Variants in HDX observed in about 807,000 individuals in gnomAD.
HDX encodes the protein chromosome X open reading frame 43.
A neutral mutation model predicts 45.2 loss-of-function variants in HDX; 19 were observed. The observed-to-expected ratio is 0.42, with a 90% CI of 0.29 to 0.62. The LOEUF (loss-of-function observed/expected upper bound fraction) is 0.62. Ranked by LOEUF, HDX falls within the 20% of genes least tolerant of loss-of-function variation. The probability of loss-of-function intolerance (pLI) is 0.20; values close to 1 mark genes in which losing one functional copy is unlikely to be tolerated. For synonymous variants in HDX, 188 were observed against 172.8 expected, an observed-to-expected ratio of 1.09 and a Z score of -0.69; for missense variants, 532 against 493.9, an observed-to-expected ratio of 1.08 and a Z score of -0.73.
chrX:84,370,202 G>A (rs1376444872), intron 5 of HDX, among the ~76,000 whole-genome samples: 5 of 111,559 alleles, frequency 4.5e-5, no homozygotes, highest in African/African-American at 6.5e-5. Context: ...CTGAAGCATC[G>A]GTTCTTCTTG....
chrX:84,367,492 C>A (rs1341495867), intron 5 of HDX, among the ~76,000 whole-genome samples: 1 of 112,067 alleles, frequency 8.9e-6, no homozygotes, highest in African/African-American at 3.2e-5. Context: ...CCAGCAATCC[C>A]ATTACTGGGT....
chrX:84,429,132 A>G (rs1017858476), intron 5 of HDX, among the ~76,000 whole-genome samples: 1 of 110,726 alleles, frequency 9.0e-6, no homozygotes, highest in African/African-American at 3.3e-5. Context: ...CCTGTCAATT[A>G]TATGTTTTTT....
At chrX:84,462,147 T>A (rs1396320560) in intron 4 of HDX, among the ~76,000 whole-genome samples, 2 of 111,426 alleles carry the variant, frequency 1.8e-5, no homozygotes, top group Non-Finnish European at 3.8e-5. Flanking sequence ...TACCATAAAA[T>A]CCATCAATAA....
intron 7 of HDX, among the ~76,000 whole-genome samples, chrX:84,340,037 T>C (rs993703492): frequency 9.0e-6 from 1 of 110,890 alleles, no homozygotes; most frequent in African/African-American, 3.3e-5. Context: ...TGTTTTTGTT[T>C]TTTATCTTTC....
At position 84,344,336 on chromosome X, in the gene HDX, G is replaced by A. The variant is rs1399482201; in HGVS notation, c.1574C>T (p.Pro525Leu). The A allele has an allele frequency of 8.3e-7, 1 of 1,205,719 alleles. No homozygotes were observed. The highest frequency in any genetic ancestry group is 3.0e-5 in the East Asian group (1 of 33,768). The part of the protein sequence containing the change: ...PESGSLSALT[P>L]GEEAGPEVGE... Reference sequence around the variant, plus strand: ...TACTTCAGGCCCAGCTTCCTCTCCTGGTGTGAGTGCAGATAAAGAACCAGA... The same window carrying A: ...TACTTCAGGCCCAGCTTCCTCTCCTAGTGTGAGTGCAGATAAAGAACCAGA... Residue 525 changes from proline to leucine, a missense_variant, in exon 7 of 11, where the codon CCA (proline) becomes CTA (leucine). Transcript: ENST00000373177.
intron 9 of HDX, 139 bp downstream of exon 9, chrX:84,333,620 C>T: frequency 2.7e-6 from 1 of 374,697 alleles, no homozygotes; most frequent in Non-Finnish European, 4.7e-6. Flanking sequence ...AGCACTCTGA[C>T]TGATATTCAA....
chrX:84,438,414 CTT>C (rs1359891947), intron 5 of HDX, among the ~76,000 whole-genome samples: 2 of 110,768 alleles, frequency 1.8e-5, no homozygotes, highest in African/African-American at 3.3e-5. Context: ...AATTTCAACT[CTT>C]ATTATAAATT....
At chrX:84,358,456 A>C (rs961596664) in intron 6 of HDX, among the ~76,000 whole-genome samples, 1 of 111,758 alleles carries the variant, frequency 8.9e-6, no homozygotes, top group African/African-American at 3.3e-5. Flanking sequence ...CTCTACTCCA[A>C]TTCCTCTTCA....
rs57915683 is a variant in HDX, at chrX:84,395,360, GTT to G, written c.1306-33750_1306-33749del. 5.5e-3 allele frequency among the ~76,000 whole-genome samples: 561 copies of G among 102,485 alleles called. 5 individuals are homozygous for G. Among genetic ancestry groups the G allele is most frequent in the African/African-American group, 0.017 (487 of 28,482 alleles). The allele number at this position is 102,485 out of a possible 115,157, so 89.0% of individuals were successfully genotyped here. ...TGAGAGTAGTATCCTTTATTGGCAA[GTT>G]TTTTTTTTTTCCCCAATACTTTAAT... On this transcript the variant is annotated intron_variant, in intron 5 of 10. Coordinates refer to ENST00000373177, the MANE Select transcript of HDX (RefSeq NM_001177479.2).
chrX:84,464,624 T>C (rs2040307139), intron 4 of HDX, among the ~76,000 whole-genome samples: 1 of 111,896 alleles, frequency 8.9e-6, no homozygotes, highest in Non-Finnish European at 1.9e-5. Context: ...GCTAGCCATA[T>C]GTAGAAAATT....
At chrX:84,378,291 G>C (rs1283830835) in intron 5 of HDX, among the ~76,000 whole-genome samples, 1 of 111,613 alleles carries the variant, frequency 9.0e-6, no homozygotes, top group African/African-American at 3.2e-5. Context: ...TAATGTAAAT[G>C]AGCAATAAGT....
intron 5 of HDX, among the ~76,000 whole-genome samples, chrX:84,414,717 C>T (rs184602998): frequency 8.1e-5 from 9 of 111,486 alleles, no homozygotes; most frequent in Non-Finnish European, 1.7e-4. Flanking sequence ...GAGTTCTAAT[C>T]CACATTCAAT....
chrX:84,366,532 C>T (rs2037757604), intron 5 of HDX, among the ~76,000 whole-genome samples: 1 of 111,704 alleles, frequency 9.0e-6, no homozygotes, highest in African/African-American at 3.3e-5. Flanking sequence ...CAAGACAATC[C>T]TAAGCAAAAA....
Position 84,321,957 on chromosome X carries a change from G to A in HDX, c.2005C>T (p.Leu669=), listed in dbSNP as rs1233831105. The part of the protein sequence containing the change: ...LEEMDFNHAS[L]EPDDTSFSVS... ...CTGAATGAGGTATCATCAGGCTCCA[G>A]TGAGGCATGATTGAAATCCATTTCC... The change falls in exon 11 of 11, where the codon CTG becomes TTG. Residue 669 remains leucine (L), a synonymous_variant. Coordinates refer to ENST00000373177, the MANE Select transcript of HDX (RefSeq NM_001177479.2). 3 of 1,172,089 alleles carry A rather than the reference G, an allele frequency of 2.6e-6. No individual in the cohort carries two copies. Among genetic ancestry groups the A allele is most frequent in the Non-Finnish European group, 3.5e-6 (3 of 863,647 alleles).
chrX:84,427,936 A>T (rs758091284), intron 5 of HDX, among the ~76,000 whole-genome samples: 1 of 110,888 alleles, frequency 9.0e-6, no homozygotes, highest in East Asian at 2.8e-4. Context: ...ATTCTTCCAC[A>T]TCCTCATCAA....
intron 2 of HDX, among the ~76,000 whole-genome samples, chrX:84,480,080 T>C (rs758770202): frequency 8.0e-5 from 9 of 111,945 alleles, no homozygotes; most frequent in Non-Finnish European, 1.5e-4. Context: ...ATATACTCTG[T>C]TAAATAAATA....
At chrX:84,322,372 G>A (rs752465751) in intron 10 of HDX, among the ~76,000 whole-genome samples, 14 of 111,000 alleles carry the variant, frequency 1.3e-4, no homozygotes, top group South Asian at 7.5e-4. Flanking sequence ...TTAAAATTGC[G>A]TTCTTTGTTA....
chrX:84,442,980 A>G (rs746098721), intron 4 of HDX, among the ~76,000 whole-genome samples: 67 of 112,012 alleles, frequency 6.0e-4, no homozygotes, highest in African/African-American at 2.1e-3. Context: ...TTTCTGTTTA[A>G]GTCAATTGTG....
Position 84,457,457 on chromosome X carries a change from G to T in HDX, c.1251+11015C>A, listed in dbSNP as rs192343203. ...GCAACAAAACATTGAAAACATAGTT[G>T]TAATGTCTTAATGCCAGCATAGAAA... On this transcript the variant is annotated intron_variant, in intron 4 of 10. Coordinates refer to ENST00000373177, the MANE Select transcript of HDX (RefSeq NM_001177479.2). 2.1e-4 allele frequency among the ~76,000 whole-genome samples: 24 copies of T among 111,918 alleles called. No homozygotes were observed. The East Asian group carries it at 6.4e-3, about 30-fold the overall frequency.
Sources: allele counts gnomAD v4.1 joint callset (sites outside exome capture counted in the v4.1 genomes callset), GRCh38; gene constraint gnomAD v4.1.1; transcripts MANE v1.5; gene names NCBI Gene and HGNC (gene_info 2026-07-23, HGNC 2026-07-21).